The following CXCL13 variants were observed in gnomAD, a reference collection of about 807,000 sequenced individuals.
CXCL13 encodes the protein C-X-C motif chemokine ligand 13.
A neutral mutation model predicts 12.2 loss-of-function variants in CXCL13; 7 were observed. That is an observed-to-expected ratio of 0.57 (90% confidence interval 0.33 to 1.07). The LOEUF (loss-of-function observed/expected upper bound fraction) is 1.07, where lower values mean the gene tolerates loss of function less well. Among genes scored for constraint, CXCL13 ranks in the 50% least tolerant of loss-of-function variants. The probability of loss-of-function intolerance (pLI) is 0.04; values close to 1 mark genes in which losing one functional copy is unlikely to be tolerated. For missense variants in CXCL13, 113 were observed against 127.4 expected (o/e 0.89, Z 0.55); for synonymous variants, 47 against 42.4 (o/e 1.11, Z -0.42).
At chr4:77,571,133 T>G (rs1726068092) in intron 1 of CXCL13, among the ~76,000 whole-genome samples, 1 of 151,992 alleles carries the variant, frequency 6.6e-6, no homozygotes, top group African/African-American at 2.4e-5. Flanking sequence ...CTCCTGAGTC[T>G]GGTGGGGATG....
intron 1 of CXCL13, among the ~76,000 whole-genome samples, chr4:77,556,803 A>G (rs1191056638): frequency 1.7e-4 from 26 of 152,120 alleles, no homozygotes; most frequent in Admixed American, 1.7e-3. Flanking sequence ...CAAGCCCCTG[A>G]AGTCCGGGGT....
intron 1 of CXCL13, among the ~76,000 whole-genome samples, chr4:77,534,473 A>G (rs1725010984): frequency 6.6e-6 from 1 of 152,246 alleles, no homozygotes; most frequent in Non-Finnish European, 1.5e-5. Flanking sequence ...ATGCTGAGTG[A>G]AATAAACAAT....
intron 1 of CXCL13, among the ~76,000 whole-genome samples, chr4:77,562,131 C>T (rs1725829542): frequency 6.6e-6 from 1 of 151,972 alleles, no homozygotes. Context: ...ACCTGCAGCC[C>T]TCCCGGCACA....
intron 1 of CXCL13, among the ~76,000 whole-genome samples, chr4:77,544,762 T>C (rs1009584310): frequency 6.6e-6 from 1 of 152,234 alleles, no homozygotes; most frequent in Non-Finnish European, 1.5e-5. Context: ...TAGATCTCAT[T>C]TGTCAATTTT....
At chr4:77,537,809 A>G (rs1201164910) in intron 1 of CXCL13, among the ~76,000 whole-genome samples, 4 of 152,068 alleles carry the variant, frequency 2.6e-5, no homozygotes, top group Admixed American at 2.6e-4. Flanking sequence ...CACTCTATGG[A>G]TCCTAGGGTA....
chr4:77,517,162 G>T (rs985977950), intron 1 of CXCL13, among the ~76,000 whole-genome samples: 2 of 152,136 alleles, frequency 1.3e-5, no homozygotes, highest in African/African-American at 2.4e-5. Flanking sequence ...TTGCACTGTG[G>T]TCTGAGAGAT....
chr4:77,605,737 A>G, upstream of CXCL13: 2 of 465,900 alleles, frequency 4.3e-6, no homozygotes, highest in Non-Finnish European at 7.8e-6. Context: ...AAAGCTGATG[A>G]TGCAGCTGAC....
chr4:77,541,639 G>A (rs1309120535), intron 1 of CXCL13, among the ~76,000 whole-genome samples: 2 of 152,204 alleles, frequency 1.3e-5, no homozygotes, highest in Non-Finnish European at 2.9e-5. Context: ...TTGAAGTCAG[G>A]TAGTGTGATG....
In CXCL13 at chr4:77,576,644, C is replaced by T. The variant is rs138119075; in HGVS notation, c.-42-29180C>T. On this transcript the variant is annotated intron_variant, in intron 1 of 4. Transcript: ENST00000286758. ...TTGGGACCTTAAGAGGAGAGGATTA[C>T]CCAGCTCATAGGTATTTGATGGCAA... 8.9e-3 allele frequency among the ~76,000 whole-genome samples: 1,352 copies of T among 151,900 alleles called. 7 individuals carry two copies. The highest frequency in any genetic ancestry group is 0.014 in the Non-Finnish European group (964 of 68,018).
At chr4:77,548,498 G>A (rs1725430569) in intron 1 of CXCL13, among the ~76,000 whole-genome samples, 1 of 152,218 alleles carries the variant, frequency 6.6e-6, no homozygotes, top group Admixed American at 6.5e-5. Context: ...GCATATTTTA[G>A]GGAGCAATAC....
At chr4:77,550,217 G>A (rs1020570167) in intron 1 of CXCL13, among the ~76,000 whole-genome samples, 11 of 152,200 alleles carry the variant, frequency 7.2e-5, no homozygotes. Flanking sequence ...ATTAGGGCAG[G>A]AGTGTCCTGG....
chr4:77,581,871 A>T (rs1021283829), intron 1 of CXCL13, among the ~76,000 whole-genome samples: 1 of 152,124 alleles, frequency 6.6e-6, no homozygotes, highest in Non-Finnish European at 1.5e-5. Flanking sequence ...AGCATAATCT[A>T]TGTTCACTGG....
intron 1 of CXCL13, among the ~76,000 whole-genome samples, chr4:77,528,299 G>A (rs1724818875): frequency 1.3e-5 from 2 of 152,142 alleles, no homozygotes; most frequent in Admixed American, 1.3e-4. Flanking sequence ...ATCCAGTAAT[G>A]GGATTGCTGG....
At chr4:77,605,815 A>G (rs755855539), upstream of CXCL13, 1 of 1,301,274 alleles carries the variant, frequency 7.7e-7, no homozygotes, top group South Asian at 1.5e-5. Context: ...TGGTACTGCA[A>G]ACCCACAGCC....
intron 1 of CXCL13, among the ~76,000 whole-genome samples, chr4:77,547,966 G>A (rs1300668027): frequency 6.6e-6 from 1 of 152,042 alleles, no homozygotes; most frequent in Non-Finnish European, 1.5e-5. Context: ...TGTCTGTACA[G>A]GATTTTATAT....
intron 1 of CXCL13, among the ~76,000 whole-genome samples, chr4:77,541,154 G>A (rs1034568639): frequency 5.9e-5 from 9 of 152,034 alleles, no homozygotes; most frequent in Non-Finnish European, 1.2e-4. Flanking sequence ...CTGTATATTA[G>A]ACCTTTGTTG....
At chr4:77,516,860 T>A (rs1432490217) in intron 1 of CXCL13, among the ~76,000 whole-genome samples, 1 of 152,236 alleles carries the variant, frequency 6.6e-6, no homozygotes. Flanking sequence ...CTTTTGAATG[T>A]GTTTGCACTT....
At chr4:77,549,043 CT>C (rs1339923700) in intron 1 of CXCL13, among the ~76,000 whole-genome samples, 3 of 152,098 alleles carry the variant, frequency 2.0e-5, no homozygotes, top group Admixed American at 6.5e-5. Flanking sequence ...TCTTTTTACT[CT>C]TTTTTTCTCT....
chr4:77,535,106 A>G (rs1425752362), intron 1 of CXCL13, among the ~76,000 whole-genome samples: 1 of 152,218 alleles, frequency 6.6e-6, no homozygotes, highest in East Asian at 1.9e-4. Flanking sequence ...CTCTTCCACA[A>G]AGAAGGAACT....
Sources: allele counts gnomAD v4.1 joint callset (sites outside exome capture counted in the v4.1 genomes callset), GRCh38; gene constraint gnomAD v4.1.1; transcripts MANE v1.5; gene names NCBI Gene and HGNC (gene_info 2026-07-23, HGNC 2026-07-21).